The following TAF4B variants were observed in gnomAD, a reference collection of about 807,000 sequenced individuals.
The protein encoded by TAF4B is transcription initiation factor TFIID subunit 4B.
Under a neutral mutation model 86.4 loss-of-function variants are expected in TAF4B, and 38 were observed. The observed-to-expected ratio is 0.44, with a 90% CI of 0.34 to 0.58. The LOEUF is 0.58. Ranked by LOEUF, TAF4B falls within the 20% of genes least tolerant of loss-of-function variation. TAF4B has a pLI of 0.02. For synonymous variants in TAF4B, 388 were observed against 391.2 expected (o/e 0.99, Z 0.10); for missense variants, 988 against 1,027.6 (o/e 0.96, Z 0.53).
intron 3 of TAF4B, among the ~76,000 whole-genome samples, chr18:26,271,565 C>T (rs1449019198): frequency 6.6e-6 from 1 of 152,166 alleles, no homozygotes; most frequent in African/African-American, 2.4e-5. Context: ...TCAGTGCAGC[C>T]TTGAAAAGCA....
At chr18:26,336,365 G>C (rs866331388) in intron 13 of TAF4B, among the ~76,000 whole-genome samples, 40 of 152,212 alleles carry the variant, frequency 2.6e-4, no homozygotes, top group Admixed American at 2.3e-3. Flanking sequence ...ATTTATGAAC[G>C]TTTTAAAGGC....
At chr18:26,359,452 A>C (rs1289946181) in intron 14 of TAF4B, among the ~76,000 whole-genome samples, 2 of 152,246 alleles carry the variant, frequency 1.3e-5, no homozygotes, top group Non-Finnish European at 2.9e-5. Context: ...AAAGGCGGAG[A>C]GAGCAGTATA....
intron 1 of TAF4B, among the ~76,000 whole-genome samples, chr18:26,261,172 ATTTTT>A (rs71169839): frequency 1.8e-4 from 14 of 77,116 alleles, no homozygotes; most frequent in Admixed American, 1.6e-3. Context: ...GAGCACTGTC[ATTTTT>A]TTTTTTTTTT....
At chr18:26,279,066 GA>G (rs984988708) in intron 5 of TAF4B, among the ~76,000 whole-genome samples, 1 of 150,188 alleles carries the variant, frequency 6.7e-6, no homozygotes, top group Non-Finnish European at 1.5e-5. Flanking sequence ...CTCCAAATAG[GA>G]AAAAAAAGGA....
intron 1 of TAF4B, among the ~76,000 whole-genome samples, chr18:26,263,216 AGT>A (rs2056194517): frequency 6.6e-6 from 1 of 152,190 alleles, no homozygotes; most frequent in African/African-American, 2.4e-5. Flanking sequence ...AGCCTGCCAA[AGT>A]GTTGGGATTA....
chr18:26,367,426 T>A (rs1289297606), intron 14 of TAF4B, among the ~76,000 whole-genome samples: 1 of 152,122 alleles, frequency 6.6e-6, no homozygotes, highest in African/African-American at 2.4e-5. Flanking sequence ...AACCTGGAGC[T>A]CTGATGTCTG....
intron 14 of TAF4B, among the ~76,000 whole-genome samples, chr18:26,389,511 C>G (rs540146895): frequency 3.1e-4 from 47 of 152,202 alleles, no homozygotes; most frequent in Non-Finnish European, 5.9e-4. Context: ...CTTTCACTCT[C>G]AAAAGATTTG....
intron 1 of TAF4B, among the ~76,000 whole-genome samples, chr18:26,261,800 C>G (rs975940720): frequency 2.0e-5 from 3 of 152,202 alleles, no homozygotes; most frequent in African/African-American, 7.2e-5. Context: ...TAGCTTGTAT[C>G]TCTCATGAAG....
rs71169847 is a variant in TAF4B, at chr18:26,308,879, CAA to C, written c.1833-6331_1833-6330del. ...TGGGCAACAGAGTGAGACTCTGTCTCAAAAAAAAAAAAAAAAAAAAGAAATTG... is the reference window on the plus strand; with the variant it reads ...TGGGCAACAGAGTGAGACTCTGTCTCAAAAAAAAAAAAAAAAAAGAAATTG... On this transcript the variant is annotated intron_variant, in intron 9 of 14. Transcript: ENST00000269142. 5.1e-4 allele frequency among the ~76,000 whole-genome samples: 41 copies of C among 80,342 alleles called. 1 individual carries two copies. The highest frequency in any genetic ancestry group is 1.4e-3 in the African/African-American group (29 of 20,400). The allele number at this position is 80,342 out of a possible 152,430, so 52.7% of individuals were successfully genotyped here.
At chr18:26,366,648 G>A (rs553527472) in intron 14 of TAF4B, among the ~76,000 whole-genome samples, 1 of 152,294 alleles carries the variant, frequency 6.6e-6, no homozygotes, top group South Asian at 2.1e-4. Context: ...GTAGAGAAGA[G>A]TATTTTTCCC....
chr18:26,285,854 GT>G, intron 6 of TAF4B, 27 bp from the exon 7 acceptor site: 3 of 1,581,438 alleles, frequency 1.9e-6, no homozygotes, highest in Non-Finnish European at 2.6e-6. Context: ...TGTTAGCAGT[GT>G]TTTTTTCCAT....
At chr18:26,251,723 C>G (rs2056009357) in intron 1 of TAF4B, among the ~76,000 whole-genome samples, 1 of 152,188 alleles carries the variant, frequency 6.6e-6, no homozygotes, top group African/African-American at 2.4e-5. Flanking sequence ...GGTCACTGGT[C>G]TTCAGAGAAG....
In TAF4B at chr18:26,280,404, C is replaced by T. The variant is rs146798110; in HGVS notation, c.883-1567C>T. Among the ~76,000 whole-genome samples the T allele has an allele frequency of 9.6e-3, 1,456 of 152,010 alleles. 13 individuals carry two copies. Among genetic ancestry groups the T allele is most frequent in the East Asian group, 0.021 (107 of 5,178 alleles). ...CCTACAGAATGGAAGAAAATATTTG[C>T]GAACTATATATCTGACAAAGGTCTA... is the stretch of plus-strand genomic sequence containing the variant. On this transcript the variant is annotated intron_variant, in intron 5 of 14. Coordinates refer to ENST00000269142, the MANE Select transcript of TAF4B (RefSeq NM_005640.3).
At chr18:26,321,240 T>TA in intron 11 of TAF4B, 40 bp downstream of exon 11, 3 of 1,607,210 alleles carry the variant, frequency 1.9e-6, no homozygotes, top group Non-Finnish European at 2.6e-6. Context: ...TCTCGAGTGT[T>TA]ATAGGTAGTC....
intron 1 of TAF4B, among the ~76,000 whole-genome samples, chr18:26,258,868 T>TC (rs2056123169): frequency 6.6e-6 from 1 of 151,628 alleles, no homozygotes; most frequent in African/African-American, 2.4e-5. Context: ...CTTTTAATTT[T>TC]TTTTTTTTTT....
chr18:26,355,544 A>G (rs2057282182), intron 13 of TAF4B, among the ~76,000 whole-genome samples: 1 of 152,198 alleles, frequency 6.6e-6, no homozygotes, highest in South Asian at 2.1e-4. Context: ...AATGAAAACT[A>G]TGGTCAGTTT....
chr18:26,382,739 A>G (rs1054055802), intron 14 of TAF4B, among the ~76,000 whole-genome samples: 1 of 152,194 alleles, frequency 6.6e-6, no homozygotes, highest in Non-Finnish European at 1.5e-5. Flanking sequence ...TCTCCTACAG[A>G]TGATATCACC....
chr18:26,231,012 A>T (rs1463902145), intron 1 of TAF4B, among the ~76,000 whole-genome samples: 1 of 147,802 alleles, frequency 6.8e-6, no homozygotes, highest in Non-Finnish European at 1.5e-5. Context: ...AGTAATTGAC[A>T]AACTTGTGGT....
intron 3 of TAF4B, among the ~76,000 whole-genome samples, chr18:26,272,509 A>G (rs2056333124): frequency 6.6e-6 from 1 of 152,110 alleles, no homozygotes; most frequent in Non-Finnish European, 1.5e-5. Flanking sequence ...AAACATTGAC[A>G]AGGAAAATAG....
Sources: allele counts gnomAD v4.1 joint callset (sites outside exome capture counted in the v4.1 genomes callset), GRCh38; gene constraint gnomAD v4.1.1; transcripts MANE v1.5; gene names NCBI Gene and HGNC (gene_info 2026-07-23, HGNC 2026-07-21).